The following ZNF536 variants were observed in gnomAD, a reference collection of about 807,000 sequenced individuals.
ZNF536 encodes the protein zinc finger protein 536.
Under a neutral mutation model 84.5 loss-of-function variants are expected in ZNF536, and 13 were observed. The ratio of observed to expected loss-of-function variants is 0.15; its 90% CI spans 0.10 to 0.24. The LOEUF (loss-of-function observed/expected upper bound fraction) is 0.24, where lower values mean the gene tolerates loss of function less well. Among genes scored for constraint, ZNF536 ranks in the 10% least tolerant of loss-of-function variants. The pLI, the probability that ZNF536 is intolerant of heterozygous loss-of-function variation, is 1.00. For missense variants in ZNF536, 1,536 were observed against 1,747.5 expected, an observed-to-expected ratio of 0.88 and a Z score of 2.16; for synonymous variants, 811 against 742.5, an observed-to-expected ratio of 1.09 and a Z score of -1.50.
At position 30,241,851 on chromosome 19, in the gene ZNF536, G is replaced by A. The variant is rs539183318; in HGVS notation, c.-190+13178G>A. 2.2e-4 allele frequency among the ~76,000 whole-genome samples: 33 copies of A among 152,316 alleles called. No individual in the cohort carries two copies. In the South Asian group the frequency reaches 6.2e-3, roughly 29 times the overall value. On this transcript the variant is annotated intron_variant, in intron 1 of 5. Coordinates refer to the ZNF536 transcript ENST00000585628. ...AAGGGAGAGAACTGAGGGCTGTGGG[G>A]ACACCTCCTCACCTGGGTAGTCAGT...
At chr19:30,492,467 A>G (rs1214642332) in intron 2 of ZNF536, among the ~76,000 whole-genome samples, 1 of 152,218 alleles carries the variant, frequency 6.6e-6, no homozygotes, top group Non-Finnish European at 1.5e-5. Flanking sequence ...CTGAGGTATC[A>G]TATATCAGAA....
intron 2 of ZNF536, among the ~76,000 whole-genome samples, chr19:30,303,985 C>A (rs2145972934): frequency 6.6e-6 from 1 of 152,326 alleles, no homozygotes; most frequent in East Asian, 1.9e-4. Context: ...GAGCACCCCT[C>A]AGTCGATGGG....
rs116458459 is a variant in ZNF536 at position 30,459,129 on chromosome 19, G to A, written c.2170+13397G>A. Among the ~76,000 whole-genome samples the A allele has an allele frequency of 5.6e-3, 853 of 152,216 alleles. 8 individuals carry two copies. The highest frequency in any genetic ancestry group is 0.019 in the African/African-American group (807 of 41,536). On this transcript the variant is annotated intron_variant, in intron 2 of 4. Transcript: ENST00000355537. ...GTGAAGACTCCAGTGCTCAATAGAC[G>A]TCATCTGTTATGAGGTTTATTTCTA...
At chr19:30,248,905 C>A (rs2024448241) in intron 1 of ZNF536, among the ~76,000 whole-genome samples, 1 of 152,168 alleles carries the variant, frequency 6.6e-6, no homozygotes, top group African/African-American at 2.4e-5. Flanking sequence ...GGAGGAAGGA[C>A]AAGTCACTAC....
chr19:30,659,267 G>C (rs1164791502), intron 1 of ZNF536, among the ~76,000 whole-genome samples: 1 of 151,386 alleles, frequency 6.6e-6, no homozygotes, highest in Non-Finnish European at 1.5e-5. Flanking sequence ...AGGGGAAGCA[G>C]GCACATGCTT....
intron 1 of ZNF536, among the ~76,000 whole-genome samples, chr19:30,700,235 T>TC (rs1379588601): frequency 1.4e-4 from 19 of 131,626 alleles, no homozygotes; most frequent in Admixed American, 1.4e-3. Flanking sequence ...TTTCTTTCTT[T>TC]CTTTCTCTCT....
At chr19:30,498,012 A>G (rs1022739712) in intron 2 of ZNF536, among the ~76,000 whole-genome samples, 4 of 152,302 alleles carry the variant, frequency 2.6e-5, no homozygotes, top group African/African-American at 9.6e-5. Flanking sequence ...CTTATAGAAA[A>G]TTATTAAGAC....
At chr19:30,226,165 G>A (rs1404161339), upstream of ZNF536, among the ~76,000 whole-genome samples, 2 of 150,544 alleles carry the variant, frequency 1.3e-5, no homozygotes, top group African/African-American at 2.4e-5. This position sits in a 1 kb window ranked among gnomAD's most constrained non-coding sequence, Gnocchi z 4.6. Context: ...CCCCCCACCC[G>A]CGAGCGGCCC....
intron 1 of ZNF536, among the ~76,000 whole-genome samples, chr19:30,417,005 G>T (rs2050758480): frequency 6.6e-6 from 1 of 151,886 alleles, no homozygotes; most frequent in African/African-American, 2.4e-5. Context: ...ATGGAGTCTT[G>T]CTCTGTCATC....
At chr19:30,229,370 C>T (rs1335764017) in intron 1 of ZNF536, among the ~76,000 whole-genome samples, 2 of 151,994 alleles carry the variant, frequency 1.3e-5, no homozygotes, top group Non-Finnish European at 2.9e-5. Context: ...CAACCCTTGC[C>T]TGATAAGGAA....
intron 1 of ZNF536, among the ~76,000 whole-genome samples, chr19:30,580,649 G>A (rs1241313173): frequency 6.6e-6 from 1 of 152,224 alleles, no homozygotes; most frequent in Non-Finnish European, 1.5e-5. Flanking sequence ...CTCTGGCCCA[G>A]ACGTCATCTA....
At chr19:30,642,954 C>T (rs1399685049) in intron 1 of ZNF536, among the ~76,000 whole-genome samples, 2 of 152,180 alleles carry the variant, frequency 1.3e-5, no homozygotes, top group African/African-American at 2.4e-5. Context: ...TTTCTTTTAG[C>T]CTTTTATGTC....
At chr19:30,499,635 C>A (rs1301279225) in intron 2 of ZNF536, among the ~76,000 whole-genome samples, 2 of 152,198 alleles carry the variant, frequency 1.3e-5, no homozygotes, top group African/African-American at 4.8e-5. Context: ...TTGCATCAAA[C>A]GTATTTACAC....
chr19:30,568,354 T>C (rs1179443801), intron 1 of ZNF536, among the ~76,000 whole-genome samples: 1 of 152,194 alleles, frequency 6.6e-6, no homozygotes, highest in Non-Finnish European at 1.5e-5. Context: ...TACCATGAAA[T>C]CTTTTGCATT....
intron 1 of ZNF536, among the ~76,000 whole-genome samples, chr19:30,244,759 C>T (rs939531486): frequency 7.9e-5 from 12 of 152,196 alleles, no homozygotes; most frequent in African/African-American, 2.9e-4. Flanking sequence ...CAGCGTCTGG[C>T]CAGGATCGGG....
In ZNF536 at chr19:30,362,995, G is replaced by T. The variant is rs535833351; in HGVS notation, c.-3+10511G>T. Among the ~76,000 whole-genome samples the T allele has an allele frequency of 1.1e-4, 16 of 152,068 alleles. No homozygotes were observed. The East Asian group carries it at 2.9e-3, about 28-fold the overall frequency. ...AATCGCTTGAACCCGGGAGGCAGAG[G>T]TTCCAGTGAGCCAAGATTGTGCCAC... On this transcript the variant is annotated intron_variant, in intron 3 of 5. Transcript: ENST00000585628.
chr19:30,298,715 G>A (rs968780225), intron 2 of ZNF536, among the ~76,000 whole-genome samples: 2 of 152,218 alleles, frequency 1.3e-5, no homozygotes, highest in Non-Finnish European at 2.9e-5. Flanking sequence ...AGTCTGGGAA[G>A]GAACCTGGGA....
downstream of ZNF536, among the ~76,000 whole-genome samples, chr19:30,559,830 TC>T (rs2046096354): frequency 6.6e-6 from 1 of 152,062 alleles, no homozygotes; most frequent in South Asian, 2.1e-4. Context: ...GGGGGCCCAA[TC>T]CCCCTAACGG....
chr19:30,324,826 A>G (rs542747845), intron 2 of ZNF536, among the ~76,000 whole-genome samples: 1 of 152,318 alleles, frequency 6.6e-6, no homozygotes, highest in South Asian at 2.1e-4. Flanking sequence ...ATATTTATAT[A>G]CATCATGTCT....
Sources: allele counts gnomAD v4.1 joint callset (sites outside exome capture counted in the v4.1 genomes callset), GRCh38; gene constraint gnomAD v4.1.1; non-coding constraint Gnocchi (gnomAD v3.1); transcripts MANE v1.5; gene names NCBI Gene and HGNC (gene_info 2026-07-23, HGNC 2026-07-21).